TRIP12: variants seen among roughly 807,000 people sequenced by gnomAD.
The protein encoded by TRIP12 is thyroid hormone receptor interactor 12, also known as E3 ubiquitin-protein ligase TRIP12.
A neutral mutation model predicts 244.2 loss-of-function variants in TRIP12; 25 were observed. The ratio of observed to expected loss-of-function variants is 0.10; its 90% CI spans 0.07 to 0.14. TRIP12 has a LOEUF of 0.14. TRIP12 is among the 10% of genes least tolerant of loss of function. The pLI is 1.00. For synonymous variants in TRIP12, 905 were observed against 873.1 expected, an observed-to-expected ratio of 1.04 and a Z score of -0.64; for missense variants, 1,677 against 2,486.4, an observed-to-expected ratio of 0.67 and a Z score of 6.92.
chr2:229,892,945 G>A (rs1247382630), intron 1 of TRIP12, among the ~76,000 whole-genome samples: 1 of 152,000 alleles, frequency 6.6e-6, no homozygotes, highest in African/African-American at 2.4e-5. Context: ...TCTTCAAATG[G>A]GCATAAACAT....
At chr2:229,791,799 G>A (rs2041615454) in intron 29 of TRIP12, 67 bp downstream of exon 29, 2 of 1,535,824 alleles carry the variant, frequency 1.3e-6, no homozygotes, top group Non-Finnish European at 8.9e-7. Context: ...AAGTTAATGT[G>A]AATTCTAAAA....
At chr2:229,841,237 G>GT (rs1159108730) in intron 4 of TRIP12, among the ~76,000 whole-genome samples, 16 of 152,036 alleles carry the variant, frequency 1.1e-4, no homozygotes, top group South Asian at 2.1e-4. Flanking sequence ...ACAAAGGCGA[G>GT]TTTTTTTGTA....
At chr2:229,885,204 G>T (rs900073136) in intron 1 of TRIP12, among the ~76,000 whole-genome samples, 125 of 152,272 alleles carry the variant, frequency 8.2e-4, no homozygotes, top group African/African-American at 3.0e-3. Flanking sequence ...TTTGCAACAG[G>T]TAAATCTCAT....
intron 1 of TRIP12, among the ~76,000 whole-genome samples, chr2:229,905,100 C>A (rs1298346538): frequency 1.3e-5 from 2 of 152,120 alleles, no homozygotes; most frequent in Admixed American, 6.5e-5. Flanking sequence ...CATGGAGAAA[C>A]CCCGTCTCTA....
intron 38 of TRIP12, among the ~76,000 whole-genome samples, chr2:229,773,082 T>A (rs1441181314): frequency 1.2e-5 from 1 of 85,790 alleles, no homozygotes; most frequent in East Asian, 3.3e-4. Context: ...TATACATGCT[T>A]TTTTTTTTTT....
At chr2:229,855,642 C>A (rs531688839) in intron 4 of TRIP12, among the ~76,000 whole-genome samples, 60 of 147,210 alleles carry the variant, frequency 4.1e-4, no homozygotes, top group African/African-American at 1.4e-3. Context: ...GAAAATGCTT[C>A]ATTCAAGGTC....
chr2:229,789,034 T>C (rs1013949769), intron 31 of TRIP12, 94 bp from the exon 32 acceptor site: 11 of 1,173,852 alleles, frequency 9.4e-6, no homozygotes, highest in Non-Finnish European at 1.3e-5. Context: ...CCATGCAAAG[T>C]ACCCTGAATT....
chr2:229,789,433 C>G (rs1443007005), intron 31 of TRIP12, among the ~76,000 whole-genome samples, 178 bp downstream of exon 31: 1 of 152,106 alleles, frequency 6.6e-6, no homozygotes, highest in African/African-American at 2.4e-5. Flanking sequence ...GAGAATTAAT[C>G]TAAGACTGTG....
chr2:229,902,320 C>G (rs925054808), intron 1 of TRIP12, among the ~76,000 whole-genome samples: 1 of 151,994 alleles, frequency 6.6e-6, no homozygotes, highest in Non-Finnish European at 1.5e-5. Context: ...GCGGAGGTAG[C>G]AGTGAGCCGA....
At position 229,768,631 on chromosome 2, in the gene TRIP12, T is replaced by G. The variant is rs1468416790; in HGVS notation, c.5992A>C (p.Arg1998=). 2.5e-6 allele frequency: 4 copies of G among 1,612,712 alleles called. No homozygotes were observed. The highest frequency in any genetic ancestry group is 3.4e-6 in the Non-Finnish European group (4 of 1,179,736). The change falls in exon 41 of 42, where the codon AGA becomes CGA. Residue 1998 remains arginine (R), a synonymous_variant. Transcript: ENST00000675903. ...LFLQFVTGSP[R]LPVGGFRSLN... ...TCGTACCCACCTCCAACAGGCAATC[T>G]TGGGCTACCAGTCACAAACTGGAGA...
chr2:229,780,408 G>A (rs1334447899), intron 34 of TRIP12, among the ~76,000 whole-genome samples: 3 of 152,118 alleles, frequency 2.0e-5, no homozygotes, highest in African/African-American at 4.8e-5. Flanking sequence ...TAGCATTCCC[G>A]ACATCTTGTA....
chr2:229,808,226 A>G (rs1575312918), intron 16 of TRIP12, 26 bp downstream of exon 16: 2 of 1,562,254 alleles, frequency 1.3e-6, no homozygotes, highest in East Asian at 2.2e-5. Context: ...TTGGCCTCCC[A>G]AAGTGATATT....
intron 8 of TRIP12, among the ~76,000 whole-genome samples, chr2:229,827,730 C>A (rs1215950607): frequency 6.6e-6 from 1 of 152,154 alleles, no homozygotes; most frequent in Non-Finnish European, 1.5e-5. Flanking sequence ...GGAATACATT[C>A]TAAATCAAGC....
At chr2:229,782,615 ACT>A in intron 34 of TRIP12, among the ~76,000 whole-genome samples, 1 of 152,296 alleles carries the variant, frequency 6.6e-6, no homozygotes, top group East Asian at 1.9e-4. Flanking sequence ...GTACACAACA[ACT>A]TATAATTTTA....
chr2:229,812,595 C>T lies in TRIP12; in HGVS notation c.1986+1275G>A, dbSNP rs191357639. Reference sequence around the variant, plus strand: ...CTGAGACAGGTGGATCACTTGAGTGCAGGAGTTTGAGACCAGCCTGGCCAA... The same window carrying T: ...CTGAGACAGGTGGATCACTTGAGTGTAGGAGTTTGAGACCAGCCTGGCCAA... On this transcript the variant is annotated intron_variant, in intron 13 of 41. Coordinates refer to ENST00000675903, the MANE Select transcript of TRIP12 (RefSeq NM_001348323.3). 2.4e-3 allele frequency among the ~76,000 whole-genome samples: 365 copies of T among 152,160 alleles called. 2 individuals carry two copies. Among genetic ancestry groups the T allele is most frequent in the African/African-American group, 8.4e-3 (347 of 41,510 alleles).
In TRIP12 at chr2:229,768,831, C is replaced by T. The variant is rs930941737; in HGVS notation, c.5904-112G>A. The T allele has an allele frequency of 8.1e-6, 8 of 982,810 alleles. No homozygotes were observed. The African/African-American group carries it at 1.3e-4, about 16-fold the overall frequency. The allele number at this position is 982,810 out of a possible 1,614,324, so 60.9% of individuals were successfully genotyped here. On this transcript the variant is annotated intron_variant, in intron 40 of 41. Coordinates refer to ENST00000675903, the MANE Select transcript of TRIP12 (RefSeq NM_001348323.3). ...ATTAGATTAGCACTTTTAAATTACA[C>T]ATACATTTTCCATTACAATGTACTT...
intron 2 of TRIP12, among the ~76,000 whole-genome samples, chr2:229,871,835 A>G (rs2062657509): frequency 6.6e-6 from 1 of 152,104 alleles, no homozygotes; most frequent in Admixed American, 6.5e-5. Flanking sequence ...ATAGAAGACA[A>G]TTTTCTAGAA....
At chr2:229,906,895 ACTG>A (rs1188281989) in intron 1 of TRIP12, among the ~76,000 whole-genome samples, 3 of 152,196 alleles carry the variant, frequency 2.0e-5, no homozygotes, top group African/African-American at 4.8e-5. Flanking sequence ...GCCATATCAC[ACTG>A]CTAACACTGA....
rs2042014637 is a variant in TRIP12 at position 229,793,339 on chromosome 2, A to C, written c.3969-194T>G. 6.1e-6 allele frequency: 3 copies of C among 490,876 alleles called. No homozygotes were observed. The Admixed American group carries it at 1.0e-4, about 17-fold the overall frequency. The allele number at this position is 490,876 out of a possible 1,614,324, so 30.4% of individuals were successfully genotyped here. The stretch of plus-strand genomic sequence containing the variant: ...AAAAAATTTTTATACGTAAGAAATA[A>C]AAGACGGATGTGTATGCATGCATAT... On this transcript the variant is annotated intron_variant, in intron 26 of 41. Coordinates refer to ENST00000675903, the MANE Select transcript of TRIP12 (RefSeq NM_001348323.3).
Sources: gnomAD v4.1 joint callset for allele counts (sites outside exome capture counted in the v4.1 genomes callset) on GRCh38, gnomAD v4.1.1 for gene constraint, MANE v1.5 for transcripts, NCBI Gene and HGNC (gene_info 2026-07-23, HGNC 2026-07-21) for gene names.